Variants in PANK2 observed in about 807,000 individuals in gnomAD.
The protein encoded by PANK2 is pantothenate kinase 2.
PANK2 carries 36 observed loss-of-function variants against 43.1 expected under a neutral mutation model. The observed-to-expected ratio is 0.84, with a 90% confidence interval of 0.64 to 1.10. PANK2 has a LOEUF of 1.10. PANK2 is among the 50% of genes least tolerant of loss of function. The pLI is 0.00. For missense variants in PANK2, 576 were observed against 593.3 expected, an observed-to-expected ratio of 0.97 and a Z score of 0.30; for synonymous variants, 281 against 238.2, an observed-to-expected ratio of 1.18 and a Z score of -1.66.
intron 3 of PANK2, among the ~76,000 whole-genome samples, chr20:3,911,991 A>AT (rs2090475206): frequency 1.3e-5 from 2 of 152,162 alleles, no homozygotes; most frequent in Non-Finnish European, 2.9e-5. Context: ...GGGATAAACA[A>AT]TTTTTTTAAA....
rs2090676631 is a variant in PANK2 at position 3,923,350 on chromosome 20, A to G, written c.*56A>G. ...TCCACAATGGGATCTGTGGACTTTC[A>G]TTTTTTTAAGAGACTTACTCAATTT... On this transcript the variant is annotated 3_prime_UTR_variant, in exon 7 of 7. Transcript: ENST00000610179. The G allele has an allele frequency of 6.4e-7, 1 of 1,567,468 alleles. No homozygotes were observed. Among genetic ancestry groups the G allele is most frequent in the Non-Finnish European group, 8.8e-7 (1 of 1,137,692 alleles).
chr20:3,888,988 G>C (rs2090059259), upstream of PANK2: 1 of 852,050 alleles, frequency 1.2e-6, no homozygotes, highest in Non-Finnish European at 1.8e-6. Flanking sequence ...AGGAGGGCTC[G>C]AGCTGCGAGG....
intron 1 of PANK2, among the ~76,000 whole-genome samples, chr20:3,895,919 A>G (rs2090199325): frequency 6.6e-6 from 1 of 152,114 alleles, no homozygotes; most frequent in Non-Finnish European, 1.5e-5. Context: ...TTATTAAAGT[A>G]CCTCTTTCAA....
rs181333092 is a variant in PANK2, at chr20:3,919,838, A to G, written c.1332+1042A>G. 9.8e-5 allele frequency among the ~76,000 whole-genome samples: 15 copies of G among 152,376 alleles called. No individual in the cohort carries two copies. In the East Asian group the frequency reaches 2.7e-3, roughly 27 times the overall value. ...TATGAATTAAAGGAAATCAAAGTCC[A>G]GATAATAGCACAGATTTGAAGTGCT... On this transcript the variant is annotated intron_variant, in intron 6 of 6. Coordinates refer to ENST00000610179, the MANE Select transcript of PANK2 (RefSeq NM_001386393.1).
In PANK2 at chr20:3,928,732, A is replaced by G. The variant is rs2090766956; in HGVS notation, c.*5438A>G. The G allele has an allele frequency of 8.7e-6, 1 of 114,848 alleles. No homozygotes were observed. The highest frequency in any genetic ancestry group is 3.1e-5 in the African/African-American group (1 of 31,886). The allele number at this position is 114,848 out of a possible 1,614,324, so 7.1% of individuals were successfully genotyped here. A position where few individuals can be genotyped will look rare whatever the true frequency, so the allele number is the denominator to read the frequency against. On this transcript the variant is annotated 3_prime_UTR_variant, in exon 7 of 7. Transcript: ENST00000610179. Reference sequence around the variant, plus strand: ...CACTGCATTCCAGCCTGGGTGACAGAGCGAGACTCCGTCTCAAAAAAAAAA... The same window carrying G: ...CACTGCATTCCAGCCTGGGTGACAGGGCGAGACTCCGTCTCAAAAAAAAAA...
chr20:3,917,964 CAG>C (rs202157343), intron 5 of PANK2, among the ~76,000 whole-genome samples: 2,500 of 152,222 alleles, frequency 0.016, 79 homozygotes, highest in African/African-American at 0.057. Flanking sequence ...TATCAAATAA[CAG>C]AGCTTGGCAT....
At chr20:3,888,966 C>T (rs568710164), upstream of PANK2, 33 of 698,768 alleles carry the variant, frequency 4.7e-5, no homozygotes, top group East Asian at 2.5e-4. Context: ...TGCGGGAGCA[C>T]TGCTGGGCTG....
intron 6 of PANK2, chr20:3,921,971 C>A (rs1174267561): frequency 6.6e-6 from 1 of 152,210 alleles, no homozygotes; most frequent in South Asian, 2.1e-4. Context: ...CTTGGCCTCC[C>A]GAAGTGCTGG....
Position 3,928,441 on chromosome 20 carries a change from G to C in PANK2, c.*5147G>C, listed in dbSNP as rs1375832878. The C allele has an allele frequency of 6.6e-6, 1 of 152,116 alleles. No homozygotes were observed. The highest frequency in any genetic ancestry group is 1.5e-5 in the Non-Finnish European group (1 of 68,068). 9.4% of individuals were successfully genotyped at this position (152,116 alleles called of 1,614,324 possible). ...GGAAGCAGCTCTAACTTTCATCAGC[G>C]GGGACAAAAATGAACTTAAACTAAA... On this transcript the variant is annotated 3_prime_UTR_variant, in exon 7 of 7. Transcript: ENST00000610179.
At chr20:3,912,734 G>A (rs2090488113) in intron 4 of PANK2, 100 bp downstream of exon 4, 1 of 1,317,254 alleles carries the variant, frequency 7.6e-7, no homozygotes, top group African/African-American at 1.5e-5. Context: ...GGCAGATCAT[G>A]AGGTCAGGAG....
At chr20:3,904,964 G>A (rs919736874) in intron 1 of PANK2, among the ~76,000 whole-genome samples, 5 of 152,136 alleles carry the variant, frequency 3.3e-5, no homozygotes, top group South Asian at 2.1e-4. Flanking sequence ...TATGAGATAC[G>A]TGGCAAAATA....
intron 4 of PANK2, among the ~76,000 whole-genome samples, chr20:3,915,274 T>C (rs2090539836): frequency 6.6e-6 from 1 of 152,078 alleles, no homozygotes; most frequent in Admixed American, 6.6e-5. Flanking sequence ...TTAGCTCATA[T>C]ATATATATGT....
At chr20:3,889,340 T>G, upstream of PANK2, 2 of 1,587,074 alleles carry the variant, frequency 1.3e-6, no homozygotes, top group South Asian at 2.3e-5. Flanking sequence ...ATTGGCTTCC[T>G]GCGCGTTGGC....
At position 3,916,945 on chromosome 20, in the gene PANK2, C is replaced by T; in HGVS notation, c.1101C>T (p.Ser367=). The T allele has an allele frequency of 6.2e-7, 1 of 1,613,966 alleles. No homozygotes were observed. Among genetic ancestry groups the T allele is most frequent in the Non-Finnish European group, 8.5e-7 (1 of 1,180,000 alleles). ...ATCACAGCTTTGGAAACATGATGAG[C>T]AAGGAGAAGCGAGAGGCTGTCAGTA... The change falls in exon 5 of 7, where the codon AGC becomes AGT. Residue 367 remains serine (S), a synonymous_variant. Transcript: ENST00000610179.
chr20:3,891,250 G>T (rs61520848), intron 1 of PANK2: 33,207 of 152,030 alleles, frequency 0.22, 4,660 homozygotes, highest in African/African-American at 0.4. Context: ...ATAGAGATGG[G>T]ATCTCTTATG....
rs1034969696 is a variant in PANK2 at position 3,929,298 on chromosome 20, C to G, written c.*6004C>G. The G allele has an allele frequency of 8.5e-5, 13 of 152,392 alleles. No homozygotes were observed. Among genetic ancestry groups the G allele is most frequent in the African/African-American group, 3.1e-4 (13 of 41,568 alleles). The allele number at this position is 152,392 out of a possible 1,614,324, so 9.4% of individuals were successfully genotyped here. Reference sequence around the variant, plus strand: ...GTGCACCTGTAGACGCAGCTACAGACTGAGGCGGGAGGATCACTTGAGTCC... The same window carrying G: ...GTGCACCTGTAGACGCAGCTACAGAGTGAGGCGGGAGGATCACTTGAGTCC... On this transcript the variant is annotated 3_prime_UTR_variant, in exon 7 of 7. Transcript: ENST00000610179.
At chr20:3,889,269 C>T (rs775042469), upstream of PANK2, 3 of 1,611,748 alleles carry the variant, frequency 1.9e-6, no homozygotes, top group Admixed American at 3.3e-5. Context: ...CACGGTCAAT[C>T]CTCCTCGAGT....
chr20:3,898,192 A>AT (rs1018484567), intron 1 of PANK2, among the ~76,000 whole-genome samples: 1 of 150,602 alleles, frequency 6.6e-6, no homozygotes, highest in Non-Finnish European at 1.5e-5. Flanking sequence ...ACTAGATTCC[A>AT]TTTTTTATTT....
chr20:3,918,766 G>A lies in PANK2; in HGVS notation c.1302G>A (p.Gly434=). The A allele has an allele frequency of 6.2e-7, 1 of 1,614,228 alleles. No individual in the cohort carries two copies. The highest frequency in any genetic ancestry group is 8.5e-7 in the Non-Finnish European group (1 of 1,180,040). The change falls in exon 6 of 7, where the codon GGG becomes GGA. Residue 434 remains glycine, a synonymous_variant. Coordinates refer to ENST00000610179, the MANE Select transcript of PANK2 (RefSeq NM_001386393.1). Reference sequence around the variant, plus strand: ...ATGCTTTGGATTATTGGTCCAAGGGGCAGTTGAAAGCACTTTTTTCGGAAC... The same window carrying A: ...ATGCTTTGGATTATTGGTCCAAGGGACAGTTGAAAGCACTTTTTTCGGAAC...
Sources: allele counts gnomAD v4.1 joint callset (sites outside exome capture counted in the v4.1 genomes callset), GRCh38; gene constraint gnomAD v4.1.1; transcripts MANE v1.5; gene names NCBI Gene and HGNC (gene_info 2026-07-23, HGNC 2026-07-21).